BCL3: variants seen among roughly 807,000 people sequenced by gnomAD.
BCL3 encodes B-cell lymphoma 3 protein.
In BCL3, 15 loss-of-function variants were observed where a neutral mutation model predicts 35.7. The ratio of observed to expected loss-of-function variants is 0.42; its 90% CI spans 0.28 to 0.65. The LOEUF is 0.65. Among genes scored for constraint, BCL3 ranks in the 30% least tolerant of loss-of-function variants. The pLI, the probability that BCL3 is intolerant of heterozygous loss-of-function variation, is 0.22. For synonymous variants in BCL3, 311 were observed against 284.3 expected (o/e 1.09, Z -0.95); for missense variants, 565 against 641.7 (o/e 0.88, Z 1.29).
chr19:44,759,708 C>CG lies in BCL3; in HGVS notation c.*93_*94insG. On this transcript the variant is annotated 3_prime_UTR_variant, in exon 9 of 9. Coordinates refer to ENST00000164227, the MANE Select transcript of BCL3 (RefSeq NM_005178.5). The stretch of plus-strand genomic sequence containing the variant: ...TGGAAACTGTGAAGATCTCACTCTG[C>CG]CCCCCCCCCCCATCTTCGGGACCAG... The CG allele has an allele frequency of 1.2e-5, 1 of 80,080 alleles. No homozygotes were observed. Among genetic ancestry groups the CG allele is most frequent in the Non-Finnish European group, 1.8e-5 (1 of 54,826 alleles). The allele number at this position is 80,080 out of a possible 1,614,324, so 5.0% of individuals were successfully genotyped here. A position where few individuals can be genotyped will look rare whatever the true frequency, so the allele number is the denominator to read the frequency against.
Position 44,759,482 on chromosome 19 carries a change from C to T in BCL3, c.1232C>T (p.Pro411Leu). The T allele has an allele frequency of 6.2e-7, 1 of 1,611,862 alleles. No homozygotes were observed. The highest frequency in any genetic ancestry group is 1.7e-5 in the Admixed American group (1 of 59,888). The change falls in exon 9 of 9, where the codon CCC (proline) becomes CTC (leucine). Residue 411 changes from proline to leucine, a missense_variant. Pro to Leu is a moderately conservative substitution (Grantham distance 98). Transcript: ENST00000164227. Reference protein sequence around the residue: ...SSPSQSPPRDPPGFPMAPPNF... With the variant: ...SSPSQSPPRDLPGFPMAPPNF... ...CCCTCCCAGTCTCCCCCCAGGGACC[C>T]CCCTGGATTCCCCATGGCTCCTCCC...
chr19:44,756,210 T>TC, intron 2 of BCL3, 22 bp from the exon 3 acceptor site: 1 of 1,424,172 alleles, frequency 7.0e-7, no homozygotes, highest in Non-Finnish European at 9.3e-7. Context: ...TGCCTGTGAT[T>TC]CCTTCACTCC....
At chr19:44,753,689 G>A (rs1967225089) in intron 2 of BCL3, among the ~76,000 whole-genome samples, 1 of 152,056 alleles carries the variant, frequency 6.6e-6, no homozygotes, top group South Asian at 2.1e-4. Flanking sequence ...GCTAAGTCTG[G>A]GTCCCCGCAG....
intron 1 of BCL3, among the ~76,000 whole-genome samples, chr19:44,749,296 G>A (rs1013670521): frequency 7.1e-6 from 1 of 140,362 alleles, no homozygotes; most frequent in African/African-American, 2.6e-5. Flanking sequence ...GGGGGGGGGG[G>A]GCCAGGGACA....
At chr19:44,753,258 G>T (rs1032141202) in intron 2 of BCL3, among the ~76,000 whole-genome samples, 3 of 152,174 alleles carry the variant, frequency 2.0e-5, no homozygotes, top group Admixed American at 6.5e-5. Context: ...GGGTACCTCT[G>T]GGGGGTCATC....
chr19:44,752,597 A>T (rs1967202299), intron 2 of BCL3, among the ~76,000 whole-genome samples: 1 of 152,100 alleles, frequency 6.6e-6, no homozygotes, highest in South Asian at 2.1e-4. Flanking sequence ...CCCTAAATTG[A>T]TTTCACAACC....
At chr19:44,751,902 CT>C (rs1461210692) in intron 2 of BCL3, among the ~76,000 whole-genome samples, 1 of 152,224 alleles carries the variant, frequency 6.6e-6, no homozygotes, top group Non-Finnish European at 1.5e-5. Flanking sequence ...AAGCCCACCC[CT>C]AGAACACTAT....
In BCL3 at chr19:44,759,703, C is replaced by T. The variant is rs1967387807; in HGVS notation, c.*88C>T. On this transcript the variant is annotated 3_prime_UTR_variant, in exon 9 of 9. Coordinates refer to ENST00000164227, the MANE Select transcript of BCL3 (RefSeq NM_005178.5). ...CCTTCTGGAAACTGTGAAGATCTCA[C>T]TCTGCCCCCCCCCCCCATCTTCGGG... 2 of 693,146 alleles carry T rather than the reference C, an allele frequency of 2.9e-6. No homozygotes were observed. The highest frequency in any genetic ancestry group is 2.6e-5 in the African/African-American group (1 of 37,970). 42.9% of individuals were successfully genotyped at this position (693,146 alleles called of 1,614,324 possible).
chr19:44,756,118 TACTGGGG>T, intron 2 of BCL3, 107 bp from the exon 3 acceptor site: 1 of 669,912 alleles, frequency 1.5e-6, no homozygotes. Context: ...AGTGTTTGAA[TACTGGGG>T]ACATTTCCAA....
At chr19:44,756,701 G>A (rs1295474449) in intron 3 of BCL3, among the ~76,000 whole-genome samples, 1 of 151,662 alleles carries the variant, frequency 6.6e-6, no homozygotes, top group Non-Finnish European at 1.5e-5. Flanking sequence ...CCTGGTTCCT[G>A]GGGAAGAAGG....
chr19:44,754,416 TGGGGTGCCA>T (rs1967242653), intron 2 of BCL3, among the ~76,000 whole-genome samples: 1 of 152,028 alleles, frequency 6.6e-6, no homozygotes, highest in Admixed American at 6.5e-5. Flanking sequence ...GGATGGAAGT[TGGGGTGCCA>T]GGGGTGGCCA....
Position 44,757,739 on chromosome 19 carries a change from C to A in BCL3, c.891+16C>A, listed in dbSNP as rs750553942. 16 of 1,612,106 alleles carry A rather than the reference C, an allele frequency of 9.9e-6. No individual in the cohort carries two copies. The Admixed American group carries it at 2.7e-4, about 27-fold the overall frequency. The stretch of plus-strand genomic sequence containing the variant: ...GCTGCTGCAGGTGCGTACAGCCCCC[C>A]TGAGCCTCGCGCCCACCCTATCCTC... On this transcript the variant is annotated intron_variant, in intron 6 of 8. Transcript: ENST00000164227. This position sits in a 1 kb window ranked among gnomAD's most constrained non-coding sequence, Gnocchi z 8.4.
chr19:44,759,333 C>T, intron 8 of BCL3, 95 bp from the exon 9 acceptor site: 1 of 894,438 alleles, frequency 1.1e-6, no homozygotes, highest in Non-Finnish European at 1.7e-6. Context: ...AGACCCCCAG[C>T]CCCTCCTCCC....
chr19:44,759,650 AG>A lies in BCL3; in HGVS notation c.*39del. On this transcript the variant is annotated 3_prime_UTR_variant, in exon 9 of 9. Transcript: ENST00000164227. ...GGGGGCAGATCTTGGACTCATGAGG[AG>A]GGGCCCCCCTGCCCTGTGGGGTCAA... The A allele has an allele frequency of 6.6e-7, 1 of 1,514,988 alleles. No homozygotes were observed. The highest frequency in any genetic ancestry group is 8.8e-7 in the Non-Finnish European group (1 of 1,130,292). 93.8% of individuals were successfully genotyped at this position (1,514,988 alleles called of 1,614,324 possible). A position where few individuals can be genotyped will look rare whatever the true frequency, so the allele number is the denominator to read the frequency against.
intron 2 of BCL3, among the ~76,000 whole-genome samples, chr19:44,751,689 C>T (rs981368145): frequency 6.6e-6 from 1 of 152,062 alleles, no homozygotes; most frequent in African/African-American, 2.4e-5. Context: ...GCAACCTCTG[C>T]CCCCCAAGTT....
In BCL3 at chr19:44,757,431, G is replaced by C; in HGVS notation, c.813+16G>C. The stretch of plus-strand genomic sequence containing the variant: ...CGACGCAGTGGTGAGCGTGCACTAG[G>C]AGCTGGGAGGGAGCGGGGCCTTAGC... On this transcript the variant is annotated intron_variant, in intron 5 of 8. Transcript: ENST00000164227. This position sits in a 1 kb window ranked among gnomAD's most constrained non-coding sequence, Gnocchi z 8.4. 1 of 1,576,744 alleles carries C rather than the reference G, an allele frequency of 6.3e-7. No individual in the cohort carries two copies. Among genetic ancestry groups the C allele is most frequent in the Non-Finnish European group, 8.6e-7 (1 of 1,160,908 alleles).
chr19:44,758,578 G>T (rs1259313282), intron 7 of BCL3, 146 bp from the exon 8 acceptor site: 1 of 1,266,816 alleles, frequency 7.9e-7, no homozygotes. Flanking sequence ...AATGAGGAGA[G>T]ACTGGCACCA....
chr19:44,756,177 G>C (rs1331445271), intron 2 of BCL3, 55 bp from the exon 3 acceptor site: 1 of 1,231,508 alleles, frequency 8.1e-7, no homozygotes, highest in African/African-American at 1.6e-5. Context: ...ACAGCATGAG[G>C]GTGAGAGGTG....
At chr19:44,758,986 T>G in intron 8 of BCL3, 145 bp downstream of exon 8, 1 of 590,470 alleles carries the variant, frequency 1.7e-6, no homozygotes, top group Non-Finnish European at 2.7e-6. Context: ...CCATAGCCCC[T>G]CCTCCCTCAG....
Sources: allele counts gnomAD v4.1 joint callset (sites outside exome capture counted in the v4.1 genomes callset), GRCh38; gene constraint gnomAD v4.1.1; non-coding constraint Gnocchi (gnomAD v3.1); transcripts MANE v1.5; gene names NCBI Gene and HGNC (gene_info 2026-07-23, HGNC 2026-07-21).